ZNF722: variants seen among roughly 807,000 people sequenced by gnomAD.
ZNF722 encodes zinc finger protein 479 pseudogene.
the ZNF722 span, among the ~76,000 whole-genome samples, chr7:64,014,255 T>C: frequency 6.6e-6 from 1 of 152,094 alleles, no homozygotes; most frequent in Non-Finnish European, 1.5e-5. Flanking sequence ...CATTCTCATT[T>C]ATCTGATATC....
At chr7:64,005,889 C>T in the ZNF722 span, among the ~76,000 whole-genome samples, 2 of 152,136 alleles carry the variant, frequency 1.3e-5, no homozygotes, top group Non-Finnish European at 1.5e-5. Flanking sequence ...AGATTCTTCA[C>T]GATGTTTTAT....
the ZNF722 span, among the ~76,000 whole-genome samples, chr7:64,008,232 A>G: frequency 6.6e-6 from 1 of 152,072 alleles, no homozygotes; most frequent in African/African-American, 2.4e-5. Flanking sequence ...TGCTGTGCAG[A>G]AGCTCTTTAG....
At chr7:64,004,410 TA>T in the ZNF722 span, among the ~76,000 whole-genome samples, 131 of 35,248 alleles carry the variant, frequency 3.7e-3, 3 homozygotes, top group Middle Eastern at 0.017. Context: ...CTCTGTCTCT[TA>T]AAAAAAAAAA....
the ZNF722 span, among the ~76,000 whole-genome samples, chr7:64,003,118 A>T: frequency 2.4e-3 from 360 of 152,276 alleles, 2 homozygotes; most frequent in African/African-American, 8.0e-3. Flanking sequence ...AGTTTAGTTC[A>T]ACCTTTGCAT....
At chr7:64,004,425 A>AAAAAATATATAT in the ZNF722 span, among the ~76,000 whole-genome samples, 17 of 61,108 alleles carry the variant, frequency 2.8e-4, no homozygotes, top group Non-Finnish European at 3.3e-4. Context: ...AAAAAAAAAA[A>AAAAAATATATAT]ATATATATAT....
the ZNF722 span, chr7:64,015,864 A>G: frequency 2.1e-5 from 33 of 1,585,918 alleles, no homozygotes; most frequent in Non-Finnish European, 2.7e-5. Context: ...GAGGCATTCA[A>G]GTCTTGCTAA....
At chr7:64,015,180 A>C in the ZNF722 span, 21 of 1,335,420 alleles carry the variant, frequency 1.6e-5, no homozygotes, top group African/African-American at 2.1e-4. Flanking sequence ...TGAGGTGCAC[A>C]AAGGAGGTTA....
chr7:64,004,421 AAAAAAT>A, the ZNF722 span, among the ~76,000 whole-genome samples: 2 of 69,480 alleles, frequency 2.9e-5, no homozygotes, highest in African/African-American at 1.3e-4. Context: ...AAAAAAAAAA[AAAAAAT>A]ATATATATAT....
chr7:64,006,975 A>C, the ZNF722 span, among the ~76,000 whole-genome samples: 1 of 151,658 alleles, frequency 6.6e-6, no homozygotes, highest in Non-Finnish European at 1.5e-5. Context: ...TTACATGATA[A>C]TTTCATTTTT....
At chr7:64,011,965 T>C in the ZNF722 span, among the ~76,000 whole-genome samples, 2,779 of 152,244 alleles carry the variant, frequency 0.018, 171 homozygotes, top group East Asian at 0.18. Context: ...CTCTTTTTTC[T>C]CTAAACTTCT....
chr7:64,016,101 C>T, the ZNF722 span: 34 of 548,804 alleles, frequency 6.2e-5, 2 homozygotes, highest in South Asian at 9.7e-4. Flanking sequence ...AAGCCTTTGA[C>T]CAACCCTCAA....
chr7:63,999,075 C>T, the ZNF722 span: 2 of 1,484,056 alleles, frequency 1.3e-6, no homozygotes, highest in Admixed American at 1.7e-5. Context: ...GTAGCAGGAC[C>T]CAAACTTCCT....
chr7:64,005,428 CTTAGAG>C, the ZNF722 span, among the ~76,000 whole-genome samples: 1 of 137,802 alleles, frequency 7.3e-6, no homozygotes, highest in Non-Finnish European at 1.6e-5. Flanking sequence ...ATTCTCTTTT[CTTAGAG>C]TTAGAGAATA....
At chr7:64,015,149 C>T in the ZNF722 span, 2 of 1,423,270 alleles carry the variant, frequency 1.4e-6, no homozygotes, top group Non-Finnish European at 2.0e-6. Flanking sequence ...TTAAAAAATG[C>T]TGTAAAAGTG....
At chr7:64,016,925 A>G in the ZNF722 span, among the ~76,000 whole-genome samples, 1 of 152,220 alleles carries the variant, frequency 6.6e-6, no homozygotes, top group Non-Finnish European at 1.5e-5. Flanking sequence ...TACTGAAGAA[A>G]ACTACAAATA....
chr7:64,008,229 C>A, the ZNF722 span, among the ~76,000 whole-genome samples: 2 of 152,134 alleles, frequency 1.3e-5, no homozygotes, highest in South Asian at 2.1e-4. Context: ...CTTTGCTGTG[C>A]AGAAGCTCTT....
the ZNF722 span, among the ~76,000 whole-genome samples, chr7:64,011,179 C>A: frequency 5.7e-3 from 868 of 152,202 alleles, 41 homozygotes; most frequent in East Asian, 0.098. Flanking sequence ...ATACAGCACA[C>A]TGATGGGTCT....
the ZNF722 span, among the ~76,000 whole-genome samples, chr7:64,011,903 G>T: frequency 0.018 from 2,772 of 151,946 alleles, 170 homozygotes; most frequent in East Asian, 0.18. Context: ...ACATAGATTT[G>T]GTCTTTTCAC....
chr7:64,016,227 C>T, the ZNF722 span: 1 of 217,058 alleles, frequency 4.6e-6, no homozygotes, highest in Non-Finnish European at 9.1e-6. Context: ...TAACCTCTGC[C>T]TTCCAGGTTC....
Sources: allele counts gnomAD v4.1 joint callset (sites outside exome capture counted in the v4.1 genomes callset), GRCh38; gene constraint gnomAD v4.1.1; transcripts MANE v1.5; gene names NCBI Gene and HGNC (gene_info 2026-07-23, HGNC 2026-07-21).